GRID2: variants seen among roughly 807,000 people sequenced by gnomAD.
GRID2 encodes glutamate receptor ionotropic, delta-2.
Under a neutral mutation model 114.8 loss-of-function variants are expected in GRID2, and 33 were observed. The observed-to-expected ratio is 0.29, with a 90% CI of 0.22 to 0.38. GRID2 has a LOEUF of 0.38. Ranked by LOEUF, GRID2 falls within the 10% of genes least tolerant of loss-of-function variation. GRID2 has a pLI of 1.00. For missense variants in GRID2, 1,184 were observed against 1,257.7 expected, an observed-to-expected ratio of 0.94 and a Z score of 0.89; for synonymous variants, 505 against 449.9, an observed-to-expected ratio of 1.12 and a Z score of -1.55.
intron 2 of GRID2, among the ~76,000 whole-genome samples, chr4:92,719,973 A>G (rs181377426): frequency 7.2e-5 from 11 of 152,256 alleles, no homozygotes; most frequent in Admixed American, 6.6e-4. Context: ...TCCACCTTAG[A>G]ATAATTTTCT....
chr4:93,335,877 A>G (rs887636780), intron 8 of GRID2, among the ~76,000 whole-genome samples: 3 of 151,844 alleles, frequency 2.0e-5, no homozygotes, highest in Non-Finnish European at 4.4e-5. Flanking sequence ...TTTTGTAGAG[A>G]CAGGGTTTCA....
intron 1 of GRID2, among the ~76,000 whole-genome samples, chr4:92,331,341 G>A (rs1474607105): frequency 2.0e-5 from 3 of 152,154 alleles, no homozygotes; most frequent in African/African-American, 7.2e-5. Flanking sequence ...GTGAAATTCA[G>A]GTTACGGCAC....
At chr4:93,524,527 A>C (rs2149503098) in intron 13 of GRID2, among the ~76,000 whole-genome samples, 1 of 152,030 alleles carries the variant, frequency 6.6e-6, no homozygotes, top group African/African-American at 2.4e-5. Context: ...TATTATTAAG[A>C]CTTATTTTTG....
At chr4:92,735,700 T>C (rs1157969651) in intron 2 of GRID2, among the ~76,000 whole-genome samples, 1 of 152,296 alleles carries the variant, frequency 6.6e-6, no homozygotes, top group Middle Eastern at 3.4e-3. Context: ...ATTGTATGAA[T>C]GTTTCCTAGA....
intron 9 of GRID2, among the ~76,000 whole-genome samples, chr4:93,414,771 G>C (rs560471461): frequency 1.5e-4 from 23 of 150,502 alleles, no homozygotes; most frequent in Admixed American, 1.3e-3. Flanking sequence ...AGAAATGTTC[G>C]TTTGTTGTTT....
At chr4:92,792,317 T>C (rs946007782) in intron 2 of GRID2, among the ~76,000 whole-genome samples, 1 of 151,784 alleles carries the variant, frequency 6.6e-6, no homozygotes, top group Non-Finnish European at 1.5e-5. Context: ...GGAGGTACGT[T>C]GCAGTTAGCT....
At chr4:92,602,276 C>T (rs1251671000) in intron 2 of GRID2, among the ~76,000 whole-genome samples, 2 of 151,350 alleles carry the variant, frequency 1.3e-5, no homozygotes, top group African/African-American at 2.4e-5. Context: ...GCCAGTATCC[C>T]TGATGAACAT....
At chr4:92,809,462 A>G (rs895286238) in intron 2 of GRID2, among the ~76,000 whole-genome samples, 4 of 152,034 alleles carry the variant, frequency 2.6e-5, no homozygotes, top group African/African-American at 7.2e-5. Context: ...TTTGTGAGAT[A>G]CAGTAGTGAA....
intron 2 of GRID2, among the ~76,000 whole-genome samples, chr4:92,970,156 A>G (rs1044916000): frequency 6.6e-6 from 1 of 151,948 alleles, no homozygotes; most frequent in African/African-American, 2.4e-5. Context: ...GTTGACATTG[A>G]GTAAGAATGC....
intron 1 of GRID2, among the ~76,000 whole-genome samples, chr4:92,472,277 A>G (rs987964032): frequency 6.6e-6 from 1 of 152,152 alleles, no homozygotes; most frequent in Non-Finnish European, 1.5e-5. Context: ...TGCTTGTTAT[A>G]AATTTATACT....
intron 14 of GRID2, among the ~76,000 whole-genome samples, chr4:93,696,493 G>A (rs1277156740): frequency 1.3e-5 from 2 of 152,012 alleles, no homozygotes; most frequent in East Asian, 3.8e-4. Flanking sequence ...TCCTCCCTTG[G>A]TGTTTACAAC....
At chr4:92,443,793 G>T (rs1248260486) in intron 1 of GRID2, among the ~76,000 whole-genome samples, 1 of 152,182 alleles carries the variant, frequency 6.6e-6, no homozygotes, top group Non-Finnish European at 1.5e-5. Flanking sequence ...AGGCGTCCCT[G>T]CGTGGTATGA....
chr4:93,051,046 C>A (rs973285370), intron 2 of GRID2, among the ~76,000 whole-genome samples: 1 of 151,994 alleles, frequency 6.6e-6, no homozygotes, highest in Admixed American at 6.6e-5. Flanking sequence ...AAATAGTGCT[C>A]CACATCACTC....
At chr4:92,325,700 T>TA (rs1371975455) in intron 1 of GRID2, among the ~76,000 whole-genome samples, 1 of 151,836 alleles carries the variant, frequency 6.6e-6, no homozygotes, top group African/African-American at 2.4e-5. Flanking sequence ...AGAACTTTCA[T>TA]AAAATAGGAA....
intron 14 of GRID2, among the ~76,000 whole-genome samples, chr4:93,627,070 C>T (rs1193837575): frequency 6.6e-6 from 1 of 152,130 alleles, no homozygotes; most frequent in African/African-American, 2.4e-5. Context: ...TTTAGATTAA[C>T]AATGCATATG....
intron 10 of GRID2, among the ~76,000 whole-genome samples, chr4:93,440,881 G>A (rs948443460): frequency 2.5e-4 from 38 of 152,030 alleles, no homozygotes; most frequent in African/African-American, 8.7e-4. Context: ...CTAATAGATG[G>A]CAAGCGCAGA....
intron 1 of GRID2, among the ~76,000 whole-genome samples, chr4:92,384,540 AATATATAATATATATT>A (rs1560598941): frequency 4.2e-5 from 2 of 47,212 alleles, no homozygotes; most frequent in Non-Finnish European, 7.6e-5. Flanking sequence ...TATATAATAT[AATATATAATATATATT>A]ATATATAATA....
intron 11 of GRID2, among the ~76,000 whole-genome samples, chr4:93,457,068 G>A (rs772506514): frequency 6.6e-6 from 1 of 152,122 alleles, no homozygotes; most frequent in Admixed American, 6.5e-5. Context: ...AGCAATTAGT[G>A]TATGATGGTG....
At chr4:93,673,592 T>C (rs896616571) in intron 14 of GRID2, among the ~76,000 whole-genome samples, 3 of 152,240 alleles carry the variant, frequency 2.0e-5, no homozygotes, top group African/African-American at 7.2e-5. Flanking sequence ...CATCATTTAT[T>C]GACAATTGAA....
Sources: gnomAD v4.1 joint callset for allele counts (sites outside exome capture counted in the v4.1 genomes callset) on GRCh38, gnomAD v4.1.1 for gene constraint, MANE v1.5 for transcripts, NCBI Gene and HGNC (gene_info 2026-07-23, HGNC 2026-07-21) for gene names.